PIEZO2: variants seen among roughly 807,000 people sequenced by gnomAD.
PIEZO2 encodes the protein piezo-type mechanosensitive ion channel component 2.
PIEZO2 carries 172 observed loss-of-function variants against 337.3 expected under a neutral mutation model. The observed-to-expected ratio is 0.51, with a 90% CI of 0.45 to 0.58. The LOEUF (loss-of-function observed/expected upper bound fraction) is 0.58. Among genes scored for constraint, PIEZO2 ranks in the 20% least tolerant of loss-of-function variants. The pLI is 0.00. For missense variants in PIEZO2, 3,028 were observed against 3,391.3 expected, an observed-to-expected ratio of 0.89 and a Z score of 2.66; for synonymous variants, 1,251 against 1,228.5, an observed-to-expected ratio of 1.02 and a Z score of -0.38.
At chr18:11,081,552 T>C (rs1021050011) in intron 1 of PIEZO2, among the ~76,000 whole-genome samples, 3 of 152,176 alleles carry the variant, frequency 2.0e-5, no homozygotes, top group African/African-American at 7.2e-5. Flanking sequence ...TGCATTGCCA[T>C]GATTTCACTG....
At chr18:10,740,659 T>G in intron 33 of PIEZO2, 1 of 331,618 alleles carries the variant, frequency 3.0e-6, no homozygotes, top group South Asian at 3.3e-5. Context: ...CCCAAGCTCA[T>G]TTTTAGTAAG....
At chr18:10,741,924 T>C (rs928374060) in intron 32 of PIEZO2, among the ~76,000 whole-genome samples, 10 of 152,070 alleles carry the variant, frequency 6.6e-5, no homozygotes, top group African/African-American at 2.2e-4. Context: ...GAGGCCGAGG[T>C]GGGCGGATCA....
At chr18:10,934,987 A>T (rs1400033046) in intron 3 of PIEZO2, among the ~76,000 whole-genome samples, 1 of 152,090 alleles carries the variant, frequency 6.6e-6, no homozygotes, top group Non-Finnish European at 1.5e-5. Context: ...ACAATCATGA[A>T]GCAGAAAAGC....
intron 2 of PIEZO2, among the ~76,000 whole-genome samples, chr18:11,063,662 G>A (rs1193656601): frequency 2.0e-5 from 3 of 152,200 alleles, no homozygotes; most frequent in African/African-American, 7.2e-5. Context: ...AGCACATCCT[G>A]CCAGCAATAC....
chr18:11,059,727 C>T (rs2037868598), intron 2 of PIEZO2, among the ~76,000 whole-genome samples: 1 of 152,150 alleles, frequency 6.6e-6, no homozygotes, highest in Non-Finnish European at 1.5e-5. Flanking sequence ...TATATATGCA[C>T]CCAATACAGG....
rs1223036843 is a variant in PIEZO2, at chr18:10,736,626, G to A, written c.4793C>T (p.Pro1598Leu). The A allele has an allele frequency of 5.2e-6, 8 of 1,536,974 alleles. No individual in the cohort carries two copies. Among genetic ancestry groups the A allele is most frequent in the Non-Finnish European group, 6.1e-6 (7 of 1,146,860 alleles). ...EEELKKEDEE[P>L]PRRSAFQRAI... ...TACCTGGAATGCTGACCTTCGTGGA[G>A]GTTCTTCATCTTCCTTCTTTAATTC... The change falls in exon 34 of 56, where the codon CCT becomes CTT. Residue 1598 changes from proline to leucine, a missense_variant. By Grantham distance (98) the Pro-to-Leu change is moderately conservative. Coordinates refer to ENST00000674853, the MANE Select transcript of PIEZO2 (RefSeq NM_001378183.1).
At chr18:11,049,596 A>G (rs948425065) in intron 2 of PIEZO2, among the ~76,000 whole-genome samples, 2 of 152,198 alleles carry the variant, frequency 1.3e-5, no homozygotes, top group East Asian at 1.9e-4. Context: ...TAGCTGTCAT[A>G]ATTCCCACAT....
chr18:10,792,356 T>C lies in PIEZO2; in HGVS notation c.1759-1032A>G, dbSNP rs75426798. On this transcript the variant is annotated intron_variant, in intron 13 of 55. Transcript: ENST00000674853. Reference sequence around the variant, plus strand: ...AGTGGTTTTTAGTATATTCACGGAGTTGTGCAACCATCACTGCAATCCATT... The same window carrying C: ...AGTGGTTTTTAGTATATTCACGGAGCTGTGCAACCATCACTGCAATCCATT... Among the ~76,000 whole-genome samples the C allele has an allele frequency of 1.6e-4, 24 of 152,308 alleles. No individual in the cohort carries two copies. In the East Asian group the frequency reaches 4.6e-3, roughly 29 times the overall value.
At position 11,133,755 on chromosome 18, in the gene PIEZO2, T is replaced by C. The variant is rs923126222; in HGVS notation, c.64+14770A>G. Among the ~76,000 whole-genome samples the C allele has an allele frequency of 7.2e-4, 109 of 151,996 alleles. 1 individual carries two copies. Among genetic ancestry groups the C allele is most frequent in the Middle Eastern group, 3.4e-3 (1 of 294 alleles). On this transcript the variant is annotated intron_variant, in intron 1 of 55. Coordinates refer to ENST00000674853, the MANE Select transcript of PIEZO2 (RefSeq NM_001378183.1). The stretch of plus-strand genomic sequence containing the variant: ...CTTGCGGACAGTCTATTGTGGGAAC[T>C]TGTGATCGCGTAAGTTAATACTTAA...
At chr18:11,141,845 A>G (rs2040657866) in intron 1 of PIEZO2, among the ~76,000 whole-genome samples, 1 of 152,182 alleles carries the variant, frequency 6.6e-6, no homozygotes, top group Non-Finnish European at 1.5e-5. Context: ...TCCTGAAGAG[A>G]GCAGTGAAGA....
intron 1 of PIEZO2, among the ~76,000 whole-genome samples, chr18:11,100,383 ATG>A (rs1247805968): frequency 3.3e-5 from 5 of 152,172 alleles, no homozygotes; most frequent in African/African-American, 1.2e-4. Flanking sequence ...AAAAATATTC[ATG>A]TATTAGAGTT....
chr18:10,781,886 C>T lies in PIEZO2; in HGVS notation c.2493-1520G>A, dbSNP rs145817911. On this transcript the variant is annotated intron_variant, in intron 17 of 55. Coordinates refer to ENST00000674853, the MANE Select transcript of PIEZO2 (RefSeq NM_001378183.1). This position sits in a 1 kb window ranked among gnomAD's most constrained non-coding sequence, Gnocchi z 4.1. ...CTGTGGGCCATTTCTTGTAAAGCAA[C>T]TGTTTAGGAGGCAGGAGCAGAGAAA... is the stretch of plus-strand genomic sequence containing the variant. Among the ~76,000 whole-genome samples, 391 of 152,066 alleles carry T rather than the reference C, an allele frequency of 2.6e-3. 2 individuals carry two copies. Among genetic ancestry groups the T allele is most frequent in the African/African-American group, 8.9e-3 (369 of 41,498 alleles).
intron 1 of PIEZO2, among the ~76,000 whole-genome samples, chr18:11,144,795 C>T (rs1455441094): frequency 6.6e-6 from 1 of 152,180 alleles, no homozygotes; most frequent in East Asian, 1.9e-4. Context: ...CAGCCATGAT[C>T]TCTAATCCCC....
intron 3 of PIEZO2, among the ~76,000 whole-genome samples, chr18:10,925,547 T>C (rs1285591734): frequency 6.6e-6 from 1 of 152,022 alleles, no homozygotes; most frequent in Non-Finnish European, 1.5e-5. Flanking sequence ...AGGAGATAAA[T>C]GTCAAAATGC....
Position 10,866,476 on chromosome 18 carries a change from A to C in PIEZO2, c.492+4777T>G, listed in dbSNP as rs142628127. Among the ~76,000 whole-genome samples, 267 of 152,176 alleles carry C rather than the reference A, an allele frequency of 1.8e-3. 3 individuals are homozygous for C. Among genetic ancestry groups the C allele is most frequent in the African/African-American group, 5.4e-3 (223 of 41,514 alleles). ...AATTTTTTGTATTTTTAGTAGAGAC[A>C]GGGTTTCACTGTGTTAGCCAGGATG... On this transcript the variant is annotated intron_variant, in intron 5 of 55. Coordinates refer to ENST00000674853, the MANE Select transcript of PIEZO2 (RefSeq NM_001378183.1).
At chr18:11,130,700 G>A (rs575612444) in intron 1 of PIEZO2, among the ~76,000 whole-genome samples, 8 of 152,336 alleles carry the variant, frequency 5.3e-5, no homozygotes, top group East Asian at 1.9e-4. Context: ...GTCCAGTGGT[G>A]TGGGGCCTGT....
chr18:10,778,457 C>T (rs548784384), intron 18 of PIEZO2, among the ~76,000 whole-genome samples: 7 of 152,118 alleles, frequency 4.6e-5, no homozygotes, highest in East Asian at 1.9e-4. Context: ...CTTAGCCTCC[C>T]GAGTAGCTGG....
intron 23 of PIEZO2, among the ~76,000 whole-genome samples, 176 bp downstream of exon 23, chr18:10,762,324 T>C (rs867358458): frequency 7.9e-5 from 12 of 152,266 alleles, no homozygotes; most frequent in African/African-American, 2.9e-4. Flanking sequence ...TCATTTTCTC[T>C]TTAACATGCC....
chr18:10,685,045 A>G (rs2034490242), intron 49 of PIEZO2, among the ~76,000 whole-genome samples: 1 of 152,124 alleles, frequency 6.6e-6, no homozygotes, highest in Admixed American at 6.5e-5. Context: ...AAAGTGGTGC[A>G]TGGAAGTCAT....
Sources: allele counts gnomAD v4.1 joint callset (sites outside exome capture counted in the v4.1 genomes callset), GRCh38; gene constraint gnomAD v4.1.1; non-coding constraint Gnocchi (gnomAD v3.1); transcripts MANE v1.5; gene names NCBI Gene and HGNC (gene_info 2026-07-23, HGNC 2026-07-21).